The following KCNJ3 variants were observed in gnomAD, a reference collection of about 807,000 sequenced individuals.
The protein encoded by KCNJ3 is potassium inwardly rectifying channel subfamily J member 3.
Under a neutral mutation model 39.2 loss-of-function variants are expected in KCNJ3, and 4 were observed. The ratio of observed to expected loss-of-function variants is 0.10; its 90% CI spans 0.05 to 0.23. KCNJ3 has a LOEUF of 0.23. Ranked by LOEUF, KCNJ3 falls within the 10% of genes least tolerant of loss-of-function variation. KCNJ3 has a pLI of 1.00. For missense variants in KCNJ3, 276 were observed against 634.9 expected, an observed-to-expected ratio of 0.43 and a Z score of 6.08; for synonymous variants, 230 against 237.4, an observed-to-expected ratio of 0.97 and a Z score of 0.29.
chr2:154,739,503 A>G (rs1288103549), intron 2 of KCNJ3, among the ~76,000 whole-genome samples: 1 of 151,880 alleles, frequency 6.6e-6, no homozygotes, highest in Non-Finnish European at 1.5e-5. Context: ...TGCCTTCCTT[A>G]TTACCACTTG....
rs749684017 is a variant in KCNJ3 at position 154,698,898 on chromosome 2, G to A, written c.123G>A (p.Lys41=). The stretch of plus-strand genomic sequence containing the variant: ...CTCAGCAGCAGCTTGTGCCCAAGAA[G>A]AAGCGGCAGCGGTTCGTGGACAAGA... The part of the protein sequence containing the change: ...QDPQQQLVPK[K]KRQRFVDKNG... Residue 41 remains lysine (K), a synonymous_variant, in exon 1 of 3, where the codon AAG becomes AAA. Transcript: ENST00000295101. 1 of 1,614,184 alleles carries A rather than the reference G, an allele frequency of 6.2e-7. No homozygotes were observed. The highest frequency in any genetic ancestry group is 1.1e-5 in the South Asian group (1 of 91,088).
At chr2:154,806,089 T>TA (rs1399141856) in intron 2 of KCNJ3, among the ~76,000 whole-genome samples, 8 of 152,172 alleles carry the variant, frequency 5.3e-5, no homozygotes, top group African/African-American at 1.9e-4. Flanking sequence ...AGAGTACAAT[T>TA]ATCTCATTCA....
At chr2:154,847,314 A>T (rs1324027320) in intron 2 of KCNJ3, among the ~76,000 whole-genome samples, 1 of 152,182 alleles carries the variant, frequency 6.6e-6, no homozygotes, top group Non-Finnish European at 1.5e-5. Flanking sequence ...AATAGAGAGC[A>T]TGCAGAGAAT....
chr2:154,828,367 A>AGGG (rs1369813864), intron 2 of KCNJ3, among the ~76,000 whole-genome samples: 10 of 152,262 alleles, frequency 6.6e-5, no homozygotes, highest in African/African-American at 2.4e-4. Flanking sequence ...TCCCACATGC[A>AGGG]AGGGCCATCA....
chr2:154,838,961 T>C (rs1268370204), intron 2 of KCNJ3, among the ~76,000 whole-genome samples: 2 of 152,242 alleles, frequency 1.3e-5, no homozygotes. Context: ...TTTATTTTTA[T>C]TATACTTTAA....
At chr2:154,792,629 A>T (rs2105211268) in intron 2 of KCNJ3, among the ~76,000 whole-genome samples, 1 of 152,240 alleles carries the variant, frequency 6.6e-6, no homozygotes, top group African/African-American at 2.4e-5. Flanking sequence ...TTATTCAATC[A>T]ATCACTAGTA....
At chr2:154,736,668 G>T (rs1558860289) in intron 2 of KCNJ3, among the ~76,000 whole-genome samples, 2 of 151,960 alleles carry the variant, frequency 1.3e-5, no homozygotes, top group Admixed American at 1.3e-4. Flanking sequence ...ATATATGAAA[G>T]AAAAACAAAT....
intron 2 of KCNJ3, among the ~76,000 whole-genome samples, chr2:154,759,237 C>G (rs1311721814): frequency 2.0e-5 from 3 of 152,012 alleles, no homozygotes; most frequent in Non-Finnish European, 2.9e-5. Context: ...GAATTTTGTT[C>G]TTATTATTTT....
chr2:154,762,996 A>G (rs1686072158), intron 2 of KCNJ3, among the ~76,000 whole-genome samples: 1 of 152,212 alleles, frequency 6.6e-6, no homozygotes, highest in African/African-American at 2.4e-5. Flanking sequence ...CAGATTAGAA[A>G]TTTAATTTCT....
At chr2:154,829,337 G>A (rs781407373) in intron 2 of KCNJ3, among the ~76,000 whole-genome samples, 2 of 152,048 alleles carry the variant, frequency 1.3e-5, no homozygotes, top group African/African-American at 2.4e-5. Flanking sequence ...ATTTTCATAT[G>A]TACTCAGTGT....
intron 2 of KCNJ3, among the ~76,000 whole-genome samples, chr2:154,819,524 T>TTTTATTTATTTA (rs570159050): frequency 1.6e-3 from 240 of 151,970 alleles, no homozygotes; most frequent in African/African-American, 5.6e-3. Flanking sequence ...TTTTATTTAT[T>TTTTATTTATTTA]TTTATTTATT....
chr2:154,787,097 G>A (rs6717904), intron 2 of KCNJ3, among the ~76,000 whole-genome samples: 70,928 of 151,998 alleles, frequency 0.47, 18,773 homozygotes, highest in African/African-American at 0.73. Context: ...AAATTTAAAA[G>A]TAGTTATAAA....
intron 2 of KCNJ3, among the ~76,000 whole-genome samples, chr2:154,718,422 G>T (rs1288733934): frequency 6.6e-6 from 1 of 152,102 alleles, no homozygotes; most frequent in Non-Finnish European, 1.5e-5. Flanking sequence ...ATGAAGTAGG[G>T]TGACAACTGT....
intron 2 of KCNJ3, among the ~76,000 whole-genome samples, chr2:154,710,719 C>T (rs1004282675): frequency 1.3e-5 from 2 of 152,106 alleles, no homozygotes; most frequent in South Asian, 2.1e-4. Flanking sequence ...TGTTTTCTAC[C>T]ACTATCATCT....
intron 2 of KCNJ3, among the ~76,000 whole-genome samples, chr2:154,786,822 A>G (rs2105207291): frequency 6.6e-6 from 1 of 152,362 alleles, no homozygotes; most frequent in Middle Eastern, 3.4e-3. Flanking sequence ...GAATTACAAA[A>G]TGTATTGTTT....
At chr2:154,760,130 T>A (rs922930979) in intron 2 of KCNJ3, among the ~76,000 whole-genome samples, 1 of 152,198 alleles carries the variant, frequency 6.6e-6, no homozygotes, top group African/African-American at 2.4e-5. Context: ...AACTAACACA[T>A]CCTAACCAGC....
At chr2:154,723,146 G>A (rs1685293074) in intron 2 of KCNJ3, among the ~76,000 whole-genome samples, 1 of 151,904 alleles carries the variant, frequency 6.6e-6, no homozygotes, top group Non-Finnish European at 1.5e-5. Flanking sequence ...ATAGTGGGAT[G>A]TGGTGGCACG....
intron 2 of KCNJ3, among the ~76,000 whole-genome samples, chr2:154,820,051 C>T (rs528741737): frequency 3.9e-5 from 6 of 152,168 alleles, no homozygotes; most frequent in African/African-American, 1.4e-4. Flanking sequence ...CCTCAGCTTC[C>T]CCTAGTATTA....
rs1304192891 is a variant in KCNJ3 at position 154,698,741 on chromosome 2, G to T, written c.-35G>T. The T allele has an allele frequency of 7.2e-7, 1 of 1,380,768 alleles. No individual in the cohort carries two copies. The highest frequency in any genetic ancestry group is 1.2e-5 in the South Asian group (1 of 84,470). The allele number at this position is 1,380,768 out of a possible 1,614,324, so 85.5% of individuals were successfully genotyped here. ...TGCAGCGCCCAGCTCCTGCGCCTTCGCTTCGCGTTTGAATCTGGCTCGCCC... is the reference window on the plus strand; with the variant it reads ...TGCAGCGCCCAGCTCCTGCGCCTTCTCTTCGCGTTTGAATCTGGCTCGCCC... On this transcript the variant is annotated 5_prime_UTR_variant, in exon 1 of 3. Transcript: ENST00000295101.
Sources: allele counts gnomAD v4.1 joint callset (sites outside exome capture counted in the v4.1 genomes callset), GRCh38; gene constraint gnomAD v4.1.1; transcripts MANE v1.5; gene names NCBI Gene and HGNC (gene_info 2026-07-23, HGNC 2026-07-21).